ZBBX: variants seen among roughly 807,000 people sequenced by gnomAD.
ZBBX encodes zinc finger B-box domain containing.
In ZBBX, 101 loss-of-function variants were observed where a neutral mutation model predicts 108.5. The observed-to-expected ratio is 0.93, with a 90% CI of 0.79 to 1.10. The LOEUF is 1.10. Ranked by LOEUF, ZBBX falls within the 50% of genes least tolerant of loss-of-function variation. The pLI, the probability that ZBBX is intolerant of heterozygous loss-of-function variation, is 0.00. For synonymous variants in ZBBX, 356 were observed against 323.4 expected, an observed-to-expected ratio of 1.10 and a Z score of -1.08; for missense variants, 1,009 against 941.4, an observed-to-expected ratio of 1.07 and a Z score of -0.94.
chr3:167,406,178 AT>A (rs1421377355), intron 1 of ZBBX, among the ~76,000 whole-genome samples: 3 of 152,202 alleles, frequency 2.0e-5, no homozygotes, highest in Admixed American at 6.5e-5. Flanking sequence ...CTTCAATAAC[AT>A]TTTTTATAAG....
rs1576751951 is a variant in ZBBX, at chr3:167,242,522, A to C, written c.2376T>G (p.Cys792Trp). The part of the protein sequence containing the change: ...FLKTSHVRGP[C>W]GVEELSCSGR... ...TAACTTACCTCAATTCCTCAACTCC[A>C]CAGGGACCCCTCACATGTGAGGTCT... is the stretch of plus-strand genomic sequence containing the variant. The change falls in exon 21 of 22, where the codon TGT becomes TGG. Residue 792 changes from cysteine (C) to tryptophan (W), a missense_variant. Physicochemically the swap from Cys to Trp is radical, Grantham distance 215 (BLOSUM62 -2). Coordinates refer to ENST00000675490, the MANE Select transcript of ZBBX (RefSeq NM_001199201.2). The C allele has an allele frequency of 6.2e-7, 1 of 1,611,646 alleles. No individual in the cohort carries two copies.
rs563927837 is a variant in ZBBX at position 167,341,930 on chromosome 3, C to A, written c.529-7945G>T. ...ACATCACAATTAGATAATTCGTATC[C>A]CATAAAGACCAATGAACATAACGTA... On this transcript the variant is annotated intron_variant, in intron 9 of 21. Coordinates refer to ENST00000675490, the MANE Select transcript of ZBBX (RefSeq NM_001199201.2). Among the ~76,000 whole-genome samples the A allele has an allele frequency of 2.0e-5, 3 of 151,588 alleles. No homozygotes were observed. In the East Asian group the frequency reaches 5.8e-4, roughly 29 times the overall value.
chr3:167,215,354 T>C, the ZBBX span, among the ~76,000 whole-genome samples: 3 of 152,092 alleles, frequency 2.0e-5, no homozygotes, highest in African/African-American at 4.8e-5. Flanking sequence ...TGAACACCTC[T>C]ATGTACACAA....
Position 167,317,115 on chromosome 3 carries a change from A to G in ZBBX, c.1094-10T>C, listed in dbSNP as rs956435519. ...ACTTTGGTCTCCTCACCTAGGAAAT[A>G]AGATTCACAAATAATATCATCAAAG... On this transcript the variant is annotated splice_polypyrimidine_tract_variant and intron_variant, in intron 13 of 21. Coordinates refer to ENST00000675490, the MANE Select transcript of ZBBX (RefSeq NM_001199201.2). 6 of 1,492,066 alleles carry G rather than the reference A, an allele frequency of 4.0e-6. No individual in the cohort carries two copies. In the Middle Eastern group the frequency reaches 6.9e-4, roughly 173 times the overall value. The allele number at this position is 1,492,066 out of a possible 1,614,324, so 92.4% of individuals were successfully genotyped here.
At chr3:167,330,910 A>C (rs76082657) in intron 10 of ZBBX, among the ~76,000 whole-genome samples, 1 of 75,998 alleles carries the variant, frequency 1.3e-5, no homozygotes, top group Non-Finnish European at 3.0e-5. Flanking sequence ...GAAGAAGAAG[A>C]GGCATCATAT....
chr3:167,266,679 G>A (rs1450552449), intron 20 of ZBBX, among the ~76,000 whole-genome samples: 1 of 152,238 alleles, frequency 6.6e-6, no homozygotes, highest in African/African-American at 2.4e-5. Flanking sequence ...GGTCCCCTTT[G>A]TTCAGTGTGC....
intron 20 of ZBBX, 23 bp from the exon 21 acceptor site, chr3:167,242,666 T>C (rs1282788510): frequency 1.2e-6 from 2 of 1,602,330 alleles, no homozygotes; most frequent in African/African-American, 2.7e-5. Context: ...ATTTCATGCA[T>C]TGTCAAAACA....
the ZBBX span, among the ~76,000 whole-genome samples, chr3:167,229,318 T>C: frequency 0.013 from 2,027 of 151,892 alleles, 23 homozygotes; most frequent in South Asian, 0.026. Context: ...TTCTGTGAAG[T>C]TTTCCTTAAT....
At chr3:167,377,735 C>A (rs1349509145) in intron 2 of ZBBX, among the ~76,000 whole-genome samples, 1 of 151,854 alleles carries the variant, frequency 6.6e-6, no homozygotes, top group Non-Finnish European at 1.5e-5. Context: ...TACATGATTT[C>A]TAGAATAGTA....
rs543406447 is a variant in ZBBX, at chr3:167,290,942, G to A, written c.1880-1959C>T. On this transcript the variant is annotated intron_variant, in intron 18 of 21. Transcript: ENST00000675490. ...GTGTCAATAGCTGAATAGATCAAGC[G>A]GAAGAAAGTATATCAGAGATTAAAG... Among the ~76,000 whole-genome samples the A allele has an allele frequency of 6.2e-4, 95 of 152,086 alleles. 1 individual carries two copies. In the Middle Eastern group the frequency reaches 0.02, roughly 33 times the overall value.
intron 20 of ZBBX, among the ~76,000 whole-genome samples, chr3:167,276,926 TG>T (rs1163180807): frequency 2.0e-5 from 3 of 151,198 alleles, no homozygotes; most frequent in Non-Finnish European, 3.0e-5. Context: ...CAGAAGAGAG[TG>T]GGGGCCAATA....
chr3:167,348,364 GA>G, intron 9 of ZBBX, among the ~76,000 whole-genome samples: 1 of 129,704 alleles, frequency 7.7e-6, no homozygotes, highest in Non-Finnish European at 1.7e-5. Flanking sequence ...AAGAAAGAAA[GA>G]AAGAAAAAAA....
At chr3:167,236,785 C>A (rs1447826102), downstream of ZBBX, among the ~76,000 whole-genome samples, 2 of 151,688 alleles carry the variant, frequency 1.3e-5, no homozygotes, top group East Asian at 3.9e-4. Flanking sequence ...ATGATCTATA[C>A]TCTGTTGAAA....
At chr3:167,307,254 T>C (rs769109747) in intron 16 of ZBBX, among the ~76,000 whole-genome samples, 2 of 152,068 alleles carry the variant, frequency 1.3e-5, no homozygotes, top group Non-Finnish European at 2.9e-5. Flanking sequence ...TTCAACATAA[T>C]ATTGGAAGTC....
chr3:167,286,452 T>A lies in ZBBX; in HGVS notation c.1996+2415A>T, dbSNP rs368736816. Reference sequence around the variant, plus strand: ...ACTTCCTATAAACTATAAATATCAATACTGTTATGAGTAAAAACAATTCAC... The same window carrying A: ...ACTTCCTATAAACTATAAATATCAAAACTGTTATGAGTAAAAACAATTCAC... On this transcript the variant is annotated intron_variant, in intron 19 of 21. Transcript: ENST00000675490. 5.9e-5 allele frequency among the ~76,000 whole-genome samples: 9 copies of A among 152,218 alleles called. 1 individual carries two copies. The highest frequency in any genetic ancestry group is 3.3e-4 in the Admixed American group (5 of 15,284).
chr3:167,373,959 A>T (rs981751959), intron 2 of ZBBX, among the ~76,000 whole-genome samples, 172 bp from the exon 3 acceptor site: 1 of 152,246 alleles, frequency 6.6e-6, no homozygotes, highest in East Asian at 1.9e-4. Flanking sequence ...CTAGGGAAAT[A>T]GTCAACTAAA....
the ZBBX span, among the ~76,000 whole-genome samples, chr3:167,207,974 C>T: frequency 3.3e-5 from 5 of 152,146 alleles, no homozygotes; most frequent in Admixed American, 1.3e-4. Flanking sequence ...TCAAAAGTGG[C>T]CTCATGGCAC....
At chr3:167,283,587 GT>G (rs1043346801) in intron 19 of ZBBX, among the ~76,000 whole-genome samples, 1 of 152,084 alleles carries the variant, frequency 6.6e-6, no homozygotes, top group African/African-American at 2.4e-5. Flanking sequence ...ATTCAAAAAA[GT>G]GACTACAGGC....
intron 15 of ZBBX, 146 bp downstream of exon 15, chr3:167,315,604 A>T: frequency 1.7e-6 from 1 of 592,704 alleles, no homozygotes; most frequent in Non-Finnish European, 3.0e-6. Flanking sequence ...ATACATATTT[A>T]AGCATGGGTT....
Sources: gnomAD v4.1 joint callset for allele counts (sites outside exome capture counted in the v4.1 genomes callset) on GRCh38, gnomAD v4.1.1 for gene constraint, MANE v1.5 for transcripts, NCBI Gene and HGNC (gene_info 2026-07-23, HGNC 2026-07-21) for gene names.